TMEM132C: variants seen among roughly 807,000 people sequenced by gnomAD.
TMEM132C encodes the protein protein phosphatase 1, regulatory subunit 152.
Under a neutral mutation model 61.4 loss-of-function variants are expected in TMEM132C, and 29 were observed. The ratio of observed to expected loss-of-function variants is 0.47; its 90% CI spans 0.35 to 0.64. The LOEUF is 0.64. Among genes scored for constraint, TMEM132C ranks in the 30% least tolerant of loss-of-function variants. The probability of loss-of-function intolerance (pLI) is 0.00; values close to 1 mark genes in which losing one functional copy is unlikely to be tolerated. For synonymous variants in TMEM132C, 656 were observed against 633.1 expected (o/e 1.04, Z -0.54); for missense variants, 1,408 against 1,476.9 (o/e 0.95, Z 0.76).
intron 4 of TMEM132C, among the ~76,000 whole-genome samples, chr12:128,661,341 A>G (rs536816825): frequency 2.6e-5 from 4 of 152,326 alleles, no homozygotes; most frequent in African/African-American, 9.6e-5. Context: ...CCATCACAGC[A>G]ACAGCTAGGT....
intron 2 of TMEM132C, among the ~76,000 whole-genome samples, chr12:128,436,829 A>G (rs1166273568): frequency 2.0e-5 from 3 of 152,346 alleles, no homozygotes; most frequent in South Asian, 4.1e-4. Context: ...TCATACTACT[A>G]TAAAGACACA....
chr12:128,546,691 A>G (rs1468277100), intron 3 of TMEM132C, among the ~76,000 whole-genome samples: 1 of 152,168 alleles, frequency 6.6e-6, no homozygotes, highest in Non-Finnish European at 1.5e-5. Context: ...AATGTGTTCA[A>G]AGAGGAGGGC....
Position 128,424,026 on chromosome 12 carries a change from A to G in TMEM132C, c.974+8406A>G, listed in dbSNP as rs188888343. Among the ~76,000 whole-genome samples the G allele has an allele frequency of 6.5e-3, 948 of 146,836 alleles. 10 individuals carry two copies. Among genetic ancestry groups the G allele is most frequent in the African/African-American group, 0.021 (849 of 39,524 alleles). On this transcript the variant is annotated intron_variant, in intron 2 of 8. Coordinates refer to ENST00000435159, the MANE Select transcript of TMEM132C (RefSeq NM_001136103.3). ...CATGCCACTGCACTCCAGCCTGGGC[A>G]ACAGAGCGAGACTCTGTCTCAAAAA...
chr12:128,432,839 C>T (rs1344425326), intron 2 of TMEM132C, among the ~76,000 whole-genome samples: 4 of 152,022 alleles, frequency 2.6e-5, no homozygotes, highest in African/African-American at 9.7e-5. Flanking sequence ...AACAGCATCG[C>T]GTACTACAGA....
chr12:128,500,012 G>A (rs189890414), intron 2 of TMEM132C, among the ~76,000 whole-genome samples: 47 of 152,268 alleles, frequency 3.1e-4, no homozygotes, highest in African/African-American at 1.0e-3. Context: ...AACAGTGTAT[G>A]AAGGTTCCCT....
chr12:128,307,654 C>G (rs902216638), intron 1 of TMEM132C, among the ~76,000 whole-genome samples: 1 of 152,174 alleles, frequency 6.6e-6, no homozygotes, highest in Admixed American at 6.5e-5. Context: ...TTAAGGAAAG[C>G]AAAAACTGTA....
At chr12:128,557,447 T>TGA (rs1874367685) in intron 3 of TMEM132C, among the ~76,000 whole-genome samples, 1 of 152,224 alleles carries the variant, frequency 6.6e-6, no homozygotes, top group Non-Finnish European at 1.5e-5. Context: ...GCTGGGAAGC[T>TGA]GATACTCTGG....
At chr12:128,412,382 A>G (rs963354546) in intron 1 of TMEM132C, among the ~76,000 whole-genome samples, 3 of 152,160 alleles carry the variant, frequency 2.0e-5, no homozygotes, top group Admixed American at 6.5e-5. Flanking sequence ...ATTTCTTTTC[A>G]TGTGAGTTCA....
chr12:128,499,696 C>T (rs1178631314), intron 2 of TMEM132C, among the ~76,000 whole-genome samples: 2 of 152,200 alleles, frequency 1.3e-5, no homozygotes, highest in Non-Finnish European at 2.9e-5. Flanking sequence ...CAGTTTCATC[C>T]ATCTTGGTGC....
At chr12:128,521,048 C>T (rs1872888821) in intron 2 of TMEM132C, among the ~76,000 whole-genome samples, 3 of 152,048 alleles carry the variant, frequency 2.0e-5, no homozygotes, top group Admixed American at 2.0e-4. Context: ...TGCTAACTGT[C>T]AAGCCACCCT....
At chr12:128,424,989 G>A (rs922205322) in intron 2 of TMEM132C, among the ~76,000 whole-genome samples, 1 of 152,170 alleles carries the variant, frequency 6.6e-6, no homozygotes, top group African/African-American at 2.4e-5. Context: ...GCCAAAACAA[G>A]GACCAGTCAA....
chr12:128,612,995 G>A (rs894813925), intron 3 of TMEM132C, among the ~76,000 whole-genome samples: 1 of 152,126 alleles, frequency 6.6e-6, no homozygotes, highest in Non-Finnish European at 1.5e-5. Context: ...TCTGAGTCTC[G>A]GAGAGATGAT....
At chr12:128,547,447 C>T (rs796176226) in intron 3 of TMEM132C, among the ~76,000 whole-genome samples, 4 of 151,646 alleles carry the variant, frequency 2.6e-5, no homozygotes, top group Admixed American at 6.6e-5. Context: ...AGCTGTAGTC[C>T]CAGCTACTCG....
chr12:128,407,178 G>T (rs1477303659), intron 1 of TMEM132C, among the ~76,000 whole-genome samples: 1 of 152,144 alleles, frequency 6.6e-6, no homozygotes, highest in African/African-American at 2.4e-5. Flanking sequence ...CTGTTCTCAT[G>T]ATAGTGAATA....
chr12:128,296,418 G>A (rs1593001514), intron 1 of TMEM132C, among the ~76,000 whole-genome samples: 3 of 152,270 alleles, frequency 2.0e-5, no homozygotes, highest in South Asian at 2.1e-4. Flanking sequence ...CCCCAAGACT[G>A]GTTGTTCTCA....
At chr12:128,446,092 T>C (rs1463581642) in intron 2 of TMEM132C, among the ~76,000 whole-genome samples, 1 of 152,224 alleles carries the variant, frequency 6.6e-6, no homozygotes, top group East Asian at 1.9e-4. Flanking sequence ...ACATGTATCT[T>C]CAGCCGAAAT....
Position 128,267,364 on chromosome 12 carries a change from C to G in TMEM132C, c.-39C>G, listed in dbSNP as rs904275878. On this transcript the variant is annotated 5_prime_UTR_variant, in exon 1 of 9. Transcript: ENST00000435159. Reference sequence around the variant, plus strand: ...GGGGCCGCGGGCGGGCGCTGCGCTTCGGGCTGGCGGCGGGCTGCGTGAGCG... The same window carrying G: ...GGGGCCGCGGGCGGGCGCTGCGCTTGGGGCTGGCGGCGGGCTGCGTGAGCG... 1.9e-6 allele frequency: 2 copies of G among 1,027,990 alleles called. No individual in the cohort carries two copies. Among genetic ancestry groups the G allele is most frequent in the Non-Finnish European group, 2.3e-6 (2 of 858,628 alleles). The allele number at this position is 1,027,990 out of a possible 1,614,324, so 63.7% of individuals were successfully genotyped here.
At chr12:128,285,560 A>G (rs1310259295) in intron 1 of TMEM132C, among the ~76,000 whole-genome samples, 1 of 152,126 alleles carries the variant, frequency 6.6e-6, no homozygotes, top group African/African-American at 2.4e-5. Context: ...CCAAGGAAAG[A>G]TTGACTAAAA....
At chr12:128,493,341 T>A (rs1871817112) in intron 2 of TMEM132C, among the ~76,000 whole-genome samples, 1 of 152,242 alleles carries the variant, frequency 6.6e-6, no homozygotes, top group Non-Finnish European at 1.5e-5. Flanking sequence ...GGAATGTTTT[T>A]TGGTTCCATA....
Sources: gnomAD v4.1 joint callset for allele counts (sites outside exome capture counted in the v4.1 genomes callset) on GRCh38, gnomAD v4.1.1 for gene constraint, MANE v1.5 for transcripts, NCBI Gene and HGNC (gene_info 2026-07-23, HGNC 2026-07-21) for gene names.